DNAAF2: variants seen among roughly 807,000 people sequenced by gnomAD.
The protein encoded by DNAAF2 is protein kintoun.
In DNAAF2, 58 loss-of-function variants were observed where a neutral mutation model predicts 48.8. The observed-to-expected ratio is 1.19, with a 90% confidence interval of 0.96 to 1.48. The LOEUF (loss-of-function observed/expected upper bound fraction) is 1.48, where lower values mean the gene tolerates loss of function less well. Ranked by LOEUF, DNAAF2 falls within the 40% of genes most tolerant of loss-of-function variation. The probability of loss-of-function intolerance (pLI) is 0.00; values close to 1 mark genes in which losing one functional copy is unlikely to be tolerated. For synonymous variants in DNAAF2, 567 were observed against 481.2 expected, an observed-to-expected ratio of 1.18 and a Z score of -2.33; for missense variants, 1,241 against 1,116.1, an observed-to-expected ratio of 1.11 and a Z score of -1.59.
Position 49,634,842 on chromosome 14 carries a change from C to T in DNAAF2, c.308G>A (p.Ser103Asn). ...CCGGTCGCCACCGGAGCCGGGCCGG[C>T]TGCTGGGCGCGCCCACCAACGCGTT... Reference protein sequence around the residue: ...CSNALVGAPSSRPGSGGDRGA... With the variant: ...CSNALVGAPSNRPGSGGDRGA... Residue 103 changes from serine to asparagine, a missense_variant, in exon 1 of 3, where the codon AGC (serine) becomes AAC (asparagine). Physicochemically the swap from Ser to Asn is conservative, Grantham distance 46. Transcript: ENST00000298292. The T allele has an allele frequency of 1.3e-6, 2 of 1,545,456 alleles. No homozygotes were observed. The highest frequency in any genetic ancestry group is 4.9e-5 in the East Asian group (2 of 40,938).
chr14:49,633,289 C>T lies in DNAAF2; in HGVS notation c.1861G>A (p.Glu621Lys), dbSNP rs2139580341. Reference sequence around the variant, plus strand: ...AGGACTCTGGAAAGAACTGTTACCTCCAAAGAATCGTTGTTTACACCATAA... The same window carrying T: ...AGGACTCTGGAAAGAACTGTTACCTTCAAAGAATCGTTGTTTACACCATAA... ...WYYGVNNDSL[E>K]ERLFVNEENV... The change falls in exon 1 of 3, where the codon GAG becomes AAG. Residue 621 changes from glutamate to lysine, a missense_variant and splice_region_variant. By Grantham distance (56) the Glu-to-Lys change is moderately conservative. Coordinates refer to ENST00000298292, the MANE Select transcript of DNAAF2 (RefSeq NM_018139.3). 2 of 1,612,752 alleles carry T rather than the reference C, an allele frequency of 1.2e-6. No individual in the cohort carries two copies. Among genetic ancestry groups the T allele is most frequent in the Non-Finnish European group, 1.7e-6 (2 of 1,178,938 alleles).
At chr14:49,632,064 A>C (rs1213070227) in intron 1 of DNAAF2, among the ~76,000 whole-genome samples, 4 of 152,232 alleles carry the variant, frequency 2.6e-5, no homozygotes, top group African/African-American at 9.6e-5. Context: ...TTTATTTTCT[A>C]AAATGTTAGC....
rs60822508 is a variant in DNAAF2 at position 49,633,271 on chromosome 14, T to C, written c.1863+16A>G. 4,726 of 1,609,418 alleles carry C rather than the reference T, an allele frequency of 2.9e-3. 102 individuals are homozygous for C. In the African/African-American group the frequency reaches 0.052, roughly 18 times the overall value. On this transcript the variant is annotated intron_variant, in intron 1 of 2. Coordinates refer to ENST00000298292, the MANE Select transcript of DNAAF2 (RefSeq NM_018139.3). ...TGGGATATTTCAAATATGAGGACTC[T>C]GGAAAGAACTGTTACCTCCAAAGAA...
rs753890130 is a variant in DNAAF2, at chr14:49,625,709, C to T, written c.2347G>A (p.Gly783Arg). 1 of 1,613,630 alleles carries T rather than the reference C, an allele frequency of 6.2e-7. No homozygotes were observed. The highest frequency in any genetic ancestry group is 8.5e-7 in the Non-Finnish European group (1 of 1,179,736). Reference protein sequence around the residue: ...SVITEEKETDGDHLSSLLNKT... With the variant: ...SVITEEKETDRDHLSSLLNKT... ...TTCAGTAATGAAGATAGGTGATCTC[C>T]ATCTGTTTCTTTCTCTTCAGTTATT... The change falls in exon 3 of 3, where the codon GGA becomes AGA. Residue 783 changes from glycine to arginine, a missense_variant. By Grantham distance (125) the Gly-to-Arg change is moderately radical. Coordinates refer to ENST00000298292, the MANE Select transcript of DNAAF2 (RefSeq NM_018139.3).
Position 49,634,087 on chromosome 14 carries a change from G to C in DNAAF2, c.1063C>G (p.Arg355Gly), listed in dbSNP as rs1360393081. 1.3e-6 allele frequency: 2 copies of C among 1,540,238 alleles called. No homozygotes were observed. The highest frequency in any genetic ancestry group is 4.0e-5 in the Admixed American group (2 of 50,360). Residue 355 changes from arginine to glycine, a missense_variant, in exon 1 of 3, where the codon CGG becomes GGG. Coordinates refer to ENST00000298292, the MANE Select transcript of DNAAF2 (RefSeq NM_018139.3). ...GCGGCGACGGCGACAGCGGGCTCCC[G>C]GCGCGCGGCCGGCAGCACCACTGGC... Reference protein sequence around the residue: ...TLPVVLPAARREPAVAVAAAA... With the variant: ...TLPVVLPAARGEPAVAVAAAA...
At chr14:49,633,123 T>C (rs987102050) in intron 1 of DNAAF2, among the ~76,000 whole-genome samples, 164 bp downstream of exon 1, 1 of 152,010 alleles carries the variant, frequency 6.6e-6, no homozygotes, top group Admixed American at 6.6e-5. Context: ...GATTTCACCG[T>C]ATTGGCCAGG....
Position 49,633,344 on chromosome 14 carries a change from T to G in DNAAF2, c.1806A>C (p.Pro602=). The G allele has an allele frequency of 6.2e-7, 1 of 1,614,080 alleles. No individual in the cohort carries two copies. Among genetic ancestry groups the G allele is most frequent in the Non-Finnish European group, 8.5e-7 (1 of 1,179,900 alleles). Residue 602 remains proline, a synonymous_variant, in exon 1 of 3, where the codon CCA becomes CCC. Transcript: ENST00000298292. ...NNAVIELAKS[P]ESHGHWREWY... ...ACTCTCTCCAATGTCCATGGCTCTC[T>G]GGAGATTTTGCCAGTTCTATCACTG...
chr14:49,631,067 A>G (rs1883150097), intron 1 of DNAAF2, among the ~76,000 whole-genome samples: 1 of 152,122 alleles, frequency 6.6e-6, no homozygotes, highest in Non-Finnish European at 1.5e-5. Context: ...TTCTTCCATT[A>G]AACAGTATTT....
Position 49,634,654 on chromosome 14 carries a change from C to G in DNAAF2, c.496G>C (p.Ala166Pro). The G allele has an allele frequency of 6.2e-7, 1 of 1,606,724 alleles. No individual in the cohort carries two copies. The highest frequency in any genetic ancestry group is 8.5e-7 in the Non-Finnish European group (1 of 1,179,706). ...RHEGFRQMLD[A>P]TALEAVEKQF... ...TTCTCGACGGCCTCCAGGGCCGTGG[C>G]GTCCAGCATCTGGCGGAAGCCCTCG... Residue 166 changes from alanine to proline, a missense_variant, in exon 1 of 3, where the codon GCC becomes CCC. Ala to Pro is a conservative substitution (Grantham distance 27, BLOSUM62 -1). Transcript: ENST00000298292.
In DNAAF2 at chr14:49,625,535, T is replaced by C. The variant is rs1341296021; in HGVS notation, c.*7A>G. On this transcript the variant is annotated 3_prime_UTR_variant, in exon 3 of 3. Transcript: ENST00000298292. Reference sequence around the variant, plus strand: ...CTTAATATTTAAAAGTCCAAAATTATATAGAATTAATCCAAATCATATAGC... The same window carrying C: ...CTTAATATTTAAAAGTCCAAAATTACATAGAATTAATCCAAATCATATAGC... 2.0e-6 allele frequency: 3 copies of C among 1,521,034 alleles called. No homozygotes were observed. Among genetic ancestry groups the C allele is most frequent in the South Asian group, 1.4e-5 (1 of 73,608 alleles). The allele number at this position is 1,521,034 out of a possible 1,614,324, so 94.2% of individuals were successfully genotyped here.
chr14:49,634,319 G>A lies in DNAAF2; in HGVS notation c.831C>T (p.Ser277=). 6.2e-7 allele frequency: 1 copy of A among 1,611,780 alleles called. No homozygotes were observed. Among genetic ancestry groups the A allele is most frequent in the Non-Finnish European group, 8.5e-7 (1 of 1,179,698 alleles). The change falls in exon 1 of 3, where the codon AGC becomes AGT. Residue 277 remains serine, a synonymous_variant. Transcript: ENST00000298292. Reference sequence around the variant, plus strand: ...TGATCACCAGCTCATGGGGCACGGGGCTCGGGGCTGAGTCCCTGGAGCAGC... The same window carrying A: ...TGATCACCAGCTCATGGGGCACGGGACTCGGGGCTGAGTCCCTGGAGCAGC... ...DYRCSRDSAP[S]PVPHELVITI...
chr14:49,634,774 C>G lies in DNAAF2; in HGVS notation c.376G>C (p.Ala126Pro), dbSNP rs745566638. 1.3e-6 allele frequency: 2 copies of G among 1,587,492 alleles called. No homozygotes were observed. The highest frequency in any genetic ancestry group is 1.8e-5 in the Admixed American group (1 of 56,516). ...CGCCCCGCGTACTCGCGGCCGGGCG[C>G]CAGGCTGTAGGGCAGGGACCAGTGG... Reference protein sequence around the residue: ...GSHWSLPYSLAPGREYAGRSS... With the variant: ...GSHWSLPYSLPPGREYAGRSS... Residue 126 changes from alanine (A) to proline (P), a missense_variant, in exon 1 of 3, where the codon GCG becomes CCG. By Grantham distance (27) the Ala-to-Pro change is conservative (BLOSUM62 -1). Transcript: ENST00000298292.
In DNAAF2 at chr14:49,635,185, G is replaced by C. The variant is rs777678881; in HGVS notation, c.-36C>G. ...GGCTCCTCGCCCTCGGGCCAAAGGC[G>C]ATCAGTCTGACACTGGGTTGGGGGA... On this transcript the variant is annotated 5_prime_UTR_variant, in exon 1 of 3. In the 5' UTR this introduces an upstream ATG that the reference lacks. Transcript: ENST00000298292. The C allele has an allele frequency of 6.5e-6, 10 of 1,545,616 alleles. No individual in the cohort carries two copies. The South Asian group carries it at 1.2e-4, about 18-fold the overall frequency.
In DNAAF2 at chr14:49,628,028, A is replaced by T. The variant is rs2139574126; in HGVS notation, c.1991T>A (p.Ile664Asn). 6.4e-7 allele frequency: 1 copy of T among 1,568,214 alleles called. No homozygotes were observed. The highest frequency in any genetic ancestry group is 1.2e-5 in the South Asian group (1 of 84,802). Residue 664 changes from isoleucine to asparagine, a missense_variant, in exon 2 of 3, where the codon ATT becomes AAT. By Grantham distance (149) the Ile-to-Asn change is moderately radical. Coordinates refer to ENST00000298292, the MANE Select transcript of DNAAF2 (RefSeq NM_018139.3). ...IEVLQVTDNK[I>N]QINAKLQECS... ...CTTCCTTACCTTTGCATTAATTTGA[A>T]TCTTATTATCAGTAACTTGAAGAAC...
Position 49,634,385 on chromosome 14 carries a change from G to T in DNAAF2, c.765C>A (p.Tyr255Ter). 19 of 1,596,856 alleles carry T rather than the reference G, an allele frequency of 1.2e-5. No individual in the cohort carries two copies. The highest frequency in any genetic ancestry group is 1.6e-5 in the Non-Finnish European group (19 of 1,171,280). Residue 255 changes from tyrosine to a stop codon, truncating the protein, a stop_gained, in exon 1 of 3, where the codon TAC becomes TAA. Coordinates refer to ENST00000298292, the MANE Select transcript of DNAAF2 (RefSeq NM_018139.3). LOFTEE classifies it high-confidence loss of function. ...CCACGTGGTGGCGCTGCACCACGCT[G>T]TAGCGAGGCTCGGTGGGGGCGGGCT... ...ALQPAPTEPR[Y>*]SVVQRHHVDL...
rs547345322 is a variant in DNAAF2, at chr14:49,633,898, G to C, written c.1252C>G (p.Pro418Ala). Residue 418 changes from proline (P) to alanine (A), a missense_variant, in exon 1 of 3, where the codon CCG becomes GCG. Pro to Ala is a conservative substitution (Grantham distance 27). Coordinates refer to ENST00000298292, the MANE Select transcript of DNAAF2 (RefSeq NM_018139.3). ...AGSGVTTLGD[P>A]EVAPPPAAAG... ...GCGGCCGGCGGAGGCGCCACCTCCG[G>C]GTCGCCCAGGGTGGTGACCCCGGAG... The C allele has an allele frequency of 4.6e-6, 7 of 1,533,922 alleles. No individual in the cohort carries two copies. The East Asian group carries it at 1.2e-4, about 27-fold the overall frequency.
chr14:49,633,623 G>T lies in DNAAF2; in HGVS notation c.1527C>A (p.Ala509=). The change falls in exon 1 of 3, where the codon GCC becomes GCA. Residue 509 remains alanine (A), a synonymous_variant. Transcript: ENST00000298292. ...CGCTCTTGGTCCCGGGACCACCCAT[G>T]GCGCAGGCTGAGCGCTGGCCGCCCG... ...EGTGGQRSAC[A]MGGPGTKSGE... is the part of the protein sequence containing the mutation. 1.2e-6 allele frequency: 2 copies of T among 1,613,576 alleles called. No individual in the cohort carries two copies. The highest frequency in any genetic ancestry group is 1.7e-6 in the Non-Finnish European group (2 of 1,179,762).
intron 2 of DNAAF2, among the ~76,000 whole-genome samples, chr14:49,627,306 G>A (rs939565016): frequency 4.6e-5 from 7 of 152,088 alleles, no homozygotes; most frequent in African/African-American, 1.7e-4. Context: ...GATTGTGGTA[G>A]TTACTAAATC....
rs147299791 is a variant in DNAAF2, at chr14:49,628,070, G to C, written c.1949C>G (p.Thr650Ser). 1 of 1,581,824 alleles carries C rather than the reference G, an allele frequency of 6.3e-7. No homozygotes were observed. The highest frequency in any genetic ancestry group is 8.6e-7 in the Non-Finnish European group (1 of 1,162,132). The stretch of plus-strand genomic sequence containing the variant: ...TTGAAGAACTTCAATTAATGGTGGG[G>C]TCAAGGACATAGACTGTTTGAATGG... ...SSPFKQSMSL[T>S]PPLIEVLQVT... The change falls in exon 2 of 3, where the codon ACC becomes AGC. Residue 650 changes from threonine (T) to serine (S), a missense_variant. Physicochemically the swap from Thr to Ser is moderately conservative, Grantham distance 58. Transcript: ENST00000298292.
Sources: gnomAD v4.1 joint callset for allele counts (sites outside exome capture counted in the v4.1 genomes callset) on GRCh38, gnomAD v4.1.1 for gene constraint, MANE v1.5 for transcripts, NCBI Gene and HGNC (gene_info 2026-07-23, HGNC 2026-07-21) for gene names.